Variants in MAOA observed in about 807,000 individuals in gnomAD.
MAOA encodes amine oxidase [flavin-containing] A.
A neutral mutation model predicts 42.0 loss-of-function variants in MAOA; 6 were observed. The observed-to-expected ratio is 0.14, with a 90% CI of 0.08 to 0.28. MAOA has a LOEUF of 0.28. Ranked by LOEUF, MAOA falls within the 10% of genes least tolerant of loss-of-function variation. The pLI is 1.00. For synonymous variants in MAOA, 140 were observed against 154.0 expected (o/e 0.91, Z 0.67); for missense variants, 262 against 422.3 (o/e 0.62, Z 3.33).
In MAOA at chrX:43,719,888, G is replaced by A. The variant is rs62589713; in HGVS notation, c.503+7092G>A. ...GGGTAGTGGGGAAACAGGAAGGTTG[G>A]ATTGTGTGGCAGGATGGTATCTTCC... On this transcript the variant is annotated intron_variant, in intron 5 of 14. Coordinates refer to ENST00000338702, the MANE Select transcript of MAOA (RefSeq NM_000240.4). Among the ~76,000 whole-genome samples the A allele has an allele frequency of 9.3e-3, 1,031 of 110,769 alleles. 1 individual carries two copies. The highest frequency in any genetic ancestry group is 0.017 in the Non-Finnish European group (872 of 52,801).
At chrX:43,741,882 G>A (rs1265730541) in intron 11 of MAOA, 68 bp from the exon 12 acceptor site, 6 of 1,195,996 alleles carry the variant, frequency 5.0e-6, no homozygotes, top group South Asian at 1.8e-5. Context: ...TTAAAGCAAC[G>A]ATATTATTGA....
intron 1 of MAOA, among the ~76,000 whole-genome samples, chrX:43,662,549 A>G (rs1569188193): frequency 8.9e-6 from 1 of 111,799 alleles, no homozygotes; most frequent in East Asian, 2.8e-4. Flanking sequence ...GAGACCAATA[A>G]TGGAGAAAAA....
intron 1 of MAOA, among the ~76,000 whole-genome samples, chrX:43,678,862 CTTTTA>C (rs1028927253): frequency 1.8e-5 from 2 of 112,048 alleles, no homozygotes; most frequent in African/African-American, 6.5e-5. Context: ...CAGCATCATA[CTTTTA>C]TTTTCATGTT....
upstream of MAOA, chrX:43,655,321 A>C (rs2033169140): frequency 8.9e-6 from 1 of 112,377 alleles, no homozygotes; most frequent in South Asian, 3.6e-4. Context: ...GTCCGTTCTG[A>C]GTGGCGGTCC....
chrX:43,711,812 C>A, intron 3 of MAOA, 60 bp from the exon 4 acceptor site: 1 of 918,510 alleles, frequency 1.1e-6, no homozygotes, highest in Non-Finnish European at 1.6e-6. Flanking sequence ...TGTTTTAGAA[C>A]ACCATTCAAA....
In MAOA at chrX:43,746,498, C is replaced by A. The variant is rs1248390231; in HGVS notation, c.*1985C>A. 8.9e-6 allele frequency: 1 copy of A among 111,768 alleles called. No homozygotes were observed. The highest frequency in any genetic ancestry group is 1.9e-5 in the Non-Finnish European group (1 of 53,170). The allele number at this position is 111,768 out of a possible 1,213,427, so 9.2% of individuals were successfully genotyped here. A position where few individuals can be genotyped will look rare whatever the true frequency, so the allele number is the denominator to read the frequency against. On this transcript the variant is annotated 3_prime_UTR_variant, in exon 15 of 15. Coordinates refer to ENST00000338702, the MANE Select transcript of MAOA (RefSeq NM_000240.4). Reference sequence around the variant, plus strand: ...TTTAAGAGGCTGATAGATCTTGGCCCTGTTAAGGCATCCACTTCACAGTTC... The same window carrying A: ...TTTAAGAGGCTGATAGATCTTGGCCATGTTAAGGCATCCACTTCACAGTTC...
At chrX:43,677,376 T>C (rs1390908931) in intron 1 of MAOA, among the ~76,000 whole-genome samples, 1 of 111,947 alleles carries the variant, frequency 8.9e-6, no homozygotes, top group African/African-American at 3.3e-5. Context: ...AAGCTTGTTT[T>C]GAGGTTGCCA....
In MAOA at chrX:43,738,786, A is replaced by G. The variant is rs1164865884; in HGVS notation, c.1107-1895A>G. The stretch of plus-strand genomic sequence containing the variant: ...CAGTGAGCCATAATCGTGCCACTGC[A>G]TTCCAGCTTGGGTGACAGAGTGAGA... On this transcript the variant is annotated intron_variant, in intron 10 of 14. Coordinates refer to ENST00000338702, the MANE Select transcript of MAOA (RefSeq NM_000240.4). Among the ~76,000 whole-genome samples the G allele has an allele frequency of 4.3e-4, 48 of 112,166 alleles. No individual in the cohort carries two copies. The Admixed American group carries it at 4.4e-3, about 10-fold the overall frequency.
chrX:43,694,444 C>T (rs2033561272), intron 3 of MAOA, among the ~76,000 whole-genome samples: 1 of 111,748 alleles, frequency 8.9e-6, no homozygotes, highest in Non-Finnish European at 1.9e-5. Flanking sequence ...CTGGTGGTGA[C>T]AGATGTGAAA....
chrX:43,713,049 C>G (rs2033711879), intron 5 of MAOA, among the ~76,000 whole-genome samples: 1 of 112,083 alleles, frequency 8.9e-6, no homozygotes, highest in African/African-American at 3.2e-5. Flanking sequence ...GCAATAAAAT[C>G]AATAATTGTG....
At chrX:43,726,963 G>A (rs2033841882) in intron 5 of MAOA, among the ~76,000 whole-genome samples, 1 of 111,447 alleles carries the variant, frequency 9.0e-6, no homozygotes, top group Admixed American at 9.5e-5. Context: ...TTTGCTGGAG[G>A]TCCACTCCAG....
At chrX:43,731,611 G>A in intron 7 of MAOA, 83 bp from the exon 8 acceptor site, 1 of 1,000,014 alleles carries the variant, frequency 1.0e-6, no homozygotes, top group Non-Finnish European at 1.4e-6. Flanking sequence ...ATGTTGTTTA[G>A]AAGTGATAAA....
intron 1 of MAOA, among the ~76,000 whole-genome samples, chrX:43,672,454 G>A (rs964425076): frequency 9.1e-6 from 1 of 110,489 alleles, no homozygotes; most frequent in African/African-American, 3.3e-5. Context: ...CTGACTAATT[G>A]CCCTGGCCAG....
At chrX:43,686,477 T>A (rs2033488238) in intron 2 of MAOA, among the ~76,000 whole-genome samples, 1 of 112,332 alleles carries the variant, frequency 8.9e-6, no homozygotes, top group South Asian at 3.6e-4. Context: ...CTCCAAATGA[T>A]GAGAAGGAGA....
chrX:43,735,733 G>A (rs2033915388), intron 9 of MAOA, among the ~76,000 whole-genome samples: 1 of 112,830 alleles, frequency 8.9e-6, no homozygotes, highest in Non-Finnish European at 1.9e-5. Context: ...GACCTTGAGC[G>A]AGGCATTCTC....
intron 3 of MAOA, among the ~76,000 whole-genome samples, chrX:43,693,827 C>T (rs979255954): frequency 1.8e-5 from 2 of 111,044 alleles, no homozygotes; most frequent in African/African-American, 6.6e-5. Context: ...CCCCCAGCTA[C>T]AGGCAATCCC....
At chrX:43,742,158 G>C in intron 12 of MAOA, 111 bp downstream of exon 12, 1 of 1,113,838 alleles carries the variant, frequency 9.0e-7, no homozygotes. Flanking sequence ...CATTTCTTAT[G>C]TCCTAGATAA....
chrX:43,684,874 C>CTTTTT (rs201207592), intron 2 of MAOA, among the ~76,000 whole-genome samples: 373 of 59,344 alleles, frequency 6.3e-3, no homozygotes, highest in African/African-American at 8.3e-3. Flanking sequence ...CTTTTCTTTT[C>CTTTTT]TTTTTTTTTT....
intron 5 of MAOA, among the ~76,000 whole-genome samples, chrX:43,724,669 C>T (rs751868294): frequency 4.1e-4 from 46 of 111,042 alleles, no homozygotes; most frequent in African/African-American, 1.4e-3. Flanking sequence ...GTGTCTCTGT[C>T]TCCTTCAGTT....
Sources: gnomAD v4.1 joint callset for allele counts (sites outside exome capture counted in the v4.1 genomes callset) on GRCh38, gnomAD v4.1.1 for gene constraint, MANE v1.5 for transcripts, NCBI Gene and HGNC (gene_info 2026-07-23, HGNC 2026-07-21) for gene names.